The following MAP4K3 variants were observed in gnomAD, a reference collection of about 807,000 sequenced individuals.
The protein encoded by MAP4K3 is mitogen-activated protein kinase kinase kinase kinase 3, also known as MAPK/ERK kinase kinase kinase 3.
A neutral mutation model predicts 143.5 loss-of-function variants in MAP4K3; 94 were observed. The observed-to-expected ratio is 0.65, with a 90% CI of 0.55 to 0.78. The LOEUF (loss-of-function observed/expected upper bound fraction) is 0.78, where lower values mean the gene tolerates loss of function less well. Among genes scored for constraint, MAP4K3 ranks in the 30% least tolerant of loss-of-function variants. MAP4K3 has a pLI of 0.00. For missense variants in MAP4K3, 1,077 were observed against 1,068.1 expected (o/e 1.01, Z -0.12); for synonymous variants, 416 against 347.2 (o/e 1.20, Z -2.20).
At chr2:39,260,567 A>G (rs1680527343) in intron 29 of MAP4K3, 39 bp downstream of exon 29, 2 of 1,560,510 alleles carry the variant, frequency 1.3e-6, no homozygotes, top group Non-Finnish European at 1.8e-6. Flanking sequence ...TAAAACCAGT[A>G]TATGTATTAC....
intron 1 of MAP4K3, among the ~76,000 whole-genome samples, chr2:39,391,909 G>A (rs1302490262): frequency 6.6e-6 from 1 of 152,044 alleles, no homozygotes; most frequent in African/African-American, 2.4e-5. Flanking sequence ...TGGGCCAGGC[G>A]CGGTGGCTCA....
intron 3 of MAP4K3, among the ~76,000 whole-genome samples, chr2:39,346,299 A>G (rs1665290838): frequency 6.6e-6 from 1 of 152,232 alleles, no homozygotes; most frequent in South Asian, 2.1e-4. Flanking sequence ...TTTGTAGTTA[A>G]TCAAAACCTC....
chr2:39,334,152 C>T (rs1204168686), intron 6 of MAP4K3, among the ~76,000 whole-genome samples: 1 of 152,150 alleles, frequency 6.6e-6, no homozygotes, highest in South Asian at 2.1e-4. Flanking sequence ...CAACTAGCCA[C>T]AGGCCCACAA....
At chr2:39,322,997 T>A (rs954335212) in intron 12 of MAP4K3, among the ~76,000 whole-genome samples, 7 of 152,130 alleles carry the variant, frequency 4.6e-5, no homozygotes, top group African/African-American at 1.7e-4. Flanking sequence ...CATACAATAG[T>A]TCTAGTATCA....
chr2:39,329,141 A>G (rs946781968), intron 8 of MAP4K3, among the ~76,000 whole-genome samples: 1 of 152,226 alleles, frequency 6.6e-6, no homozygotes, highest in African/African-American at 2.4e-5. Context: ...ATAAATTTTT[A>G]ACCTGTGAAA....
At chr2:39,348,250 T>C (rs1573182554) in intron 3 of MAP4K3, among the ~76,000 whole-genome samples, 2 of 152,056 alleles carry the variant, frequency 1.3e-5, no homozygotes, top group African/African-American at 4.8e-5. Context: ...CACTACCTTC[T>C]ACTTGAAGTT....
intron 1 of MAP4K3, among the ~76,000 whole-genome samples, chr2:39,393,861 T>A (rs1227270916): frequency 6.6e-6 from 1 of 152,144 alleles, no homozygotes; most frequent in Non-Finnish European, 1.5e-5. Flanking sequence ...ACACAAATAC[T>A]GAGTTTGGTT....
intron 22 of MAP4K3, among the ~76,000 whole-genome samples, chr2:39,281,213 A>G (rs2148465983): frequency 6.6e-6 from 1 of 152,336 alleles, no homozygotes; most frequent in African/African-American, 2.4e-5. Context: ...TTTGTGCATC[A>G]TTTTATAGAA....
chr2:39,288,975 C>G (rs554181386), intron 19 of MAP4K3, among the ~76,000 whole-genome samples: 5 of 152,292 alleles, frequency 3.3e-5, no homozygotes, highest in African/African-American at 1.2e-4. Flanking sequence ...TGGCATGAAT[C>G]CGGGAGGCGT....
intron 21 of MAP4K3, among the ~76,000 whole-genome samples, chr2:39,285,252 T>C (rs1681721419): frequency 6.6e-6 from 1 of 152,202 alleles, no homozygotes; most frequent in Admixed American, 6.5e-5. Flanking sequence ...GTTTATCCTA[T>C]GATAGAGCCA....
chr2:39,344,899 G>T (rs1665242394), intron 3 of MAP4K3, among the ~76,000 whole-genome samples: 1 of 152,184 alleles, frequency 6.6e-6, no homozygotes, highest in Admixed American at 6.5e-5. Flanking sequence ...AGAGACAGTA[G>T]CAGGAAATAA....
intron 15 of MAP4K3, among the ~76,000 whole-genome samples, chr2:39,302,867 T>C (rs1682561740): frequency 6.6e-6 from 1 of 152,218 alleles, no homozygotes; most frequent in Non-Finnish European, 1.5e-5. Flanking sequence ...CTTTTTGGGT[T>C]GCAAAGTCCT....
intron 3 of MAP4K3, among the ~76,000 whole-genome samples, chr2:39,344,957 G>C (rs1423228977): frequency 6.6e-6 from 1 of 152,166 alleles, no homozygotes; most frequent in Non-Finnish European, 1.5e-5. Context: ...ATGTTTACTA[G>C]CTTCTCAGTT....
rs56056025 is a variant in MAP4K3 at position 39,318,394 on chromosome 2, G to C, written c.919-3006C>G. On this transcript the variant is annotated intron_variant, in intron 12 of 33. Coordinates refer to ENST00000263881, the MANE Select transcript of MAP4K3 (RefSeq NM_003618.4). Reference sequence around the variant, plus strand: ...CATGTACCCTGAAACTAAAATAAAAGTTAAGAGAAAAAGAAACGTAATGAA... The same window carrying C: ...CATGTACCCTGAAACTAAAATAAAACTTAAGAGAAAAAGAAACGTAATGAA... Among the ~76,000 whole-genome samples the C allele has an allele frequency of 2.8e-3, 423 of 151,962 alleles. 1 individual carries two copies. The highest frequency in any genetic ancestry group is 4.3e-3 in the Non-Finnish European group (292 of 67,924).
chr2:39,257,858 TAC>T (rs1291705664), intron 31 of MAP4K3, among the ~76,000 whole-genome samples: 2 of 151,558 alleles, frequency 1.3e-5, no homozygotes, highest in African/African-American at 4.9e-5. Flanking sequence ...TTATCTACAC[TAC>T]AGTTATTAAA....
At chr2:39,256,169 C>A (rs1387531564) in intron 31 of MAP4K3, among the ~76,000 whole-genome samples, 3 of 152,190 alleles carry the variant, frequency 2.0e-5, no homozygotes, top group Non-Finnish European at 2.9e-5. Flanking sequence ...TATCCAGCAA[C>A]TCTGAATTCT....
chr2:39,348,549 A>G (rs1159343763), intron 3 of MAP4K3, among the ~76,000 whole-genome samples: 1 of 152,164 alleles, frequency 6.6e-6, no homozygotes, highest in African/African-American at 2.4e-5. Context: ...TCACTAAGCC[A>G]TATGCCTAAT....
intron 12 of MAP4K3, among the ~76,000 whole-genome samples, chr2:39,318,368 A>C (rs548715022): frequency 6.6e-6 from 1 of 152,302 alleles, no homozygotes; most frequent in South Asian, 2.1e-4. Context: ...ACCAACCTGC[A>C]CATGTACCCT....
At position 39,282,437 on chromosome 2, in the gene MAP4K3, C is replaced by G; in HGVS notation, c.1629+76G>C. 1.4e-5 allele frequency: 17 copies of G among 1,219,324 alleles called. No individual in the cohort carries two copies. In the Admixed American group the frequency reaches 3.5e-4, roughly 25 times the overall value. 75.5% of individuals were successfully genotyped at this position (1,219,324 alleles called of 1,614,324 possible). On this transcript the variant is annotated intron_variant, in intron 22 of 33. Coordinates refer to ENST00000263881, the MANE Select transcript of MAP4K3 (RefSeq NM_003618.4). ...AATAATGAAAGTTCTTTCAAACAGA[C>G]AAAAAAACCTAAGCAAAGATAACAC...
Sources: gnomAD v4.1 joint callset for allele counts (sites outside exome capture counted in the v4.1 genomes callset) on GRCh38, gnomAD v4.1.1 for gene constraint, MANE v1.5 for transcripts, NCBI Gene and HGNC (gene_info 2026-07-23, HGNC 2026-07-21) for gene names.